Variants in PDE12 observed in about 807,000 individuals in gnomAD.
PDE12 encodes phosphodiesterase 12.
In PDE12, 26 loss-of-function variants were observed where a neutral mutation model predicts 45.4. That is an observed-to-expected ratio of 0.57 (90% confidence interval 0.42 to 0.79). PDE12 has a LOEUF of 0.79. Ranked by LOEUF, PDE12 falls within the 30% of genes least tolerant of loss-of-function variation. The probability of loss-of-function intolerance (pLI) is 0.00; values close to 1 mark genes in which losing one functional copy is unlikely to be tolerated. For missense variants in PDE12, 668 were observed against 790.0 expected (o/e 0.85, Z 1.85); for synonymous variants, 283 against 323.9 (o/e 0.87, Z 1.36).
the PDE12 span, chr3:57,577,196 A>T: frequency 1.2e-6 from 1 of 810,326 alleles, no homozygotes; most frequent in South Asian, 1.7e-5. Flanking sequence ...TCTTAAGTTT[A>T]TTTCTAGCCC....
the PDE12 span, among the ~76,000 whole-genome samples, chr3:57,609,037 G>C: frequency 2.6e-5 from 4 of 152,238 alleles, no homozygotes; most frequent in Admixed American, 6.5e-5. Context: ...CAAACTGTCT[G>C]TCAGACAACA....
the PDE12 span, among the ~76,000 whole-genome samples, chr3:57,590,312 C>T: frequency 6.6e-6 from 1 of 151,252 alleles, no homozygotes; most frequent in African/African-American, 2.4e-5. Context: ...TGGTGAAACC[C>T]TGTCTCTACT....
the PDE12 span, chr3:57,646,422 A>T: frequency 6.2e-7 from 1 of 1,613,422 alleles, no homozygotes; most frequent in Admixed American, 1.7e-5. Flanking sequence ...CTATGAAGGA[A>T]AACTGGGCAG....
At chr3:57,624,141 CCAT>C in the PDE12 span, among the ~76,000 whole-genome samples, 1 of 152,028 alleles carries the variant, frequency 6.6e-6, no homozygotes, top group Admixed American at 6.6e-5. Context: ...GCATGTACCA[CCAT>C]GTCTGACTAC....
At chr3:57,584,061 C>A in the PDE12 span, 3 of 1,224,622 alleles carry the variant, frequency 2.4e-6, no homozygotes, top group Non-Finnish European at 3.5e-6. Flanking sequence ...AAAATAAAAC[C>A]TTTTATTGTG....
the PDE12 span, among the ~76,000 whole-genome samples, chr3:57,629,128 G>A: frequency 0.012 from 1,790 of 152,230 alleles, 32 homozygotes; most frequent in African/African-American, 0.04. Context: ...GTACTGAGGT[G>A]GCTTTTTTAG....
chr3:57,645,550 A>C, the PDE12 span: 20 of 698,462 alleles, frequency 2.9e-5, no homozygotes, highest in African/African-American at 2.9e-4. Flanking sequence ...AGCTCCTCAA[A>C]CTTTCCTTTT....
chr3:57,625,480 T>G, the PDE12 span: 3 of 152,734 alleles, frequency 2.0e-5, no homozygotes, highest in South Asian at 6.2e-4. Context: ...GCCTTTAATT[T>G]AGTTTTTGGT....
downstream of PDE12, among the ~76,000 whole-genome samples, chr3:57,569,343 T>C (rs969784858): frequency 6.6e-6 from 1 of 152,252 alleles, no homozygotes; most frequent in Non-Finnish European, 1.5e-5. Flanking sequence ...TGTGTCAAGT[T>C]GCTAATACTT....
In PDE12 at chr3:57,557,243, G is replaced by A. The variant is rs753337626; in HGVS notation, c.864G>A (p.Lys288=). ...TFDHRHLYTK[K]VTEDALIRTV... ...ACCACCGGCATCTCTACACGAAGAA[G>A]GTGACTGAGGACGCTCTCATCCGCA... The change falls in exon 1 of 3, where the codon AAG becomes AAA. Residue 288 remains lysine (K), a synonymous_variant. Transcript: ENST00000311180. 1.4e-5 allele frequency: 23 copies of A among 1,613,890 alleles called. No homozygotes were observed. Among genetic ancestry groups the A allele is most frequent in the Non-Finnish European group, 1.8e-5 (21 of 1,180,024 alleles).
chr3:57,607,617 A>G, the PDE12 span, among the ~76,000 whole-genome samples: 1 of 152,226 alleles, frequency 6.6e-6, no homozygotes, highest in Non-Finnish European at 1.5e-5. Context: ...AGCCGATTCG[A>G]TCAACTGGAA....
chr3:57,593,404 A>C, the PDE12 span, among the ~76,000 whole-genome samples: 1 of 152,170 alleles, frequency 6.6e-6, no homozygotes, highest in Non-Finnish European at 1.5e-5. Context: ...CTAAGAAACA[A>C]ATATAAAACA....
chr3:57,572,139 A>G, the PDE12 span: 25 of 1,198,650 alleles, frequency 2.1e-5, no homozygotes, highest in Non-Finnish European at 3.1e-5. Flanking sequence ...TAACCAAGAT[A>G]CAAACTAATT....
At chr3:57,587,496 T>C in the PDE12 span, among the ~76,000 whole-genome samples, 3 of 152,014 alleles carry the variant, frequency 2.0e-5, no homozygotes, top group Non-Finnish European at 2.9e-5. Context: ...TGAATAATTA[T>C]TTTCCTTGCT....
the PDE12 span, among the ~76,000 whole-genome samples, chr3:57,640,547 C>T: frequency 6.6e-6 from 1 of 152,166 alleles, no homozygotes; most frequent in Non-Finnish European, 1.5e-5. Context: ...CACTGTACTC[C>T]AGCCTGGGCA....
At chr3:57,578,129 A>AG in the PDE12 span, among the ~76,000 whole-genome samples, 1 of 152,168 alleles carries the variant, frequency 6.6e-6, no homozygotes, top group Non-Finnish European at 1.5e-5. Context: ...GAGTAATAAA[A>AG]GGGGGGTGGG....
rs150074228 is a variant in PDE12 at position 57,556,785 on chromosome 3, G to C, written c.406G>C (p.Val136Leu). The change falls in exon 1 of 3, where the codon GTG (valine) becomes CTG (leucine). Residue 136 changes from valine to leucine, a missense_variant. By Grantham distance (32) the Val-to-Leu change is conservative. Transcript: ENST00000311180. This position sits in a 1 kb window ranked among gnomAD's most constrained non-coding sequence, Gnocchi z 5.0. ...CCGGGAAGAGGCAGTGGCTGAGGACGTGCTCAACGTGGATGCCTGGCAAGA... is the reference window on the plus strand; with the variant it reads ...CCGGGAAGAGGCAGTGGCTGAGGACCTGCTCAACGTGGATGCCTGGCAAGA... ...YYREEAVAED[V>L]LNVDAWQDGA... is the part of the protein sequence containing the mutation. 12 of 1,611,248 alleles carry C rather than the reference G, an allele frequency of 7.4e-6. No individual in the cohort carries two copies. In the African/African-American group the frequency reaches 1.5e-4, roughly 20 times the overall value.
the PDE12 span, chr3:57,641,751 T>TA: frequency 1.2e-6 from 2 of 1,609,232 alleles, no homozygotes; most frequent in South Asian, 1.1e-5. Flanking sequence ...TGAGGGCCTA[T>TA]AAAAAACAAA....
the PDE12 span, among the ~76,000 whole-genome samples, chr3:57,589,643 G>C: frequency 6.6e-6 from 1 of 151,238 alleles, no homozygotes. Context: ...GCTTGAACCC[G>C]GGAGGTGGAG....
Sources: allele counts gnomAD v4.1 joint callset (sites outside exome capture counted in the v4.1 genomes callset), GRCh38; gene constraint gnomAD v4.1.1; non-coding constraint Gnocchi (gnomAD v3.1); transcripts MANE v1.5; gene names NCBI Gene and HGNC (gene_info 2026-07-23, HGNC 2026-07-21).